The following KCTD16 variants were observed in gnomAD, a reference collection of about 807,000 sequenced individuals.
The protein encoded by KCTD16 is potassium channel tetramerization domain containing 16.
In KCTD16, 13 loss-of-function variants were observed where a neutral mutation model predicts 33.2. That is an observed-to-expected ratio of 0.39 (90% confidence interval 0.25 to 0.62). KCTD16 has a LOEUF of 0.62. KCTD16 is among the 20% of genes least tolerant of loss of function. The probability of loss-of-function intolerance (pLI) is 0.50; values close to 1 mark genes in which losing one functional copy is unlikely to be tolerated. For missense variants in KCTD16, 441 were observed against 525.1 expected, an observed-to-expected ratio of 0.84 and a Z score of 1.57; for synonymous variants, 197 against 195.3, an observed-to-expected ratio of 1.01 and a Z score of -0.07.
chr5:144,252,640 A>T (rs1754732849), intron 3 of KCTD16, among the ~76,000 whole-genome samples: 1 of 151,586 alleles, frequency 6.6e-6, no homozygotes, highest in Admixed American at 6.6e-5. Flanking sequence ...GTTCAACCAG[A>T]TCACTAAGAA....
intron 3 of KCTD16, among the ~76,000 whole-genome samples, chr5:144,451,149 TA>T (rs778717329): frequency 1.4e-4 from 21 of 152,106 alleles, no homozygotes; most frequent in Non-Finnish European, 2.8e-4. Context: ...TATTACCCTC[TA>T]TATATTTTTT....
intron 2 of KCTD16, among the ~76,000 whole-genome samples, chr5:144,184,927 C>T (rs1454279081): frequency 6.6e-6 from 1 of 152,128 alleles, no homozygotes; most frequent in African/African-American, 2.4e-5. Flanking sequence ...AGAGCCATTT[C>T]CCTTGTTCTT....
chr5:144,207,116 C>T lies in KCTD16; in HGVS notation c.402C>T (p.Phe134=). 1 of 1,610,624 alleles carries T rather than the reference C, an allele frequency of 6.2e-7. No homozygotes were observed. The highest frequency in any genetic ancestry group is 8.5e-7 in the Non-Finnish European group (1 of 1,178,378). ...PDEIKQSPDE[F]CHSDFEDASQ... ...AAATCAAGCAAAGCCCAGATGAATT[C>T]TGCCACAGTGACTTTGAAGATGCCT... The change falls in exon 3 of 4, where the codon TTC becomes TTT. Residue 134 remains phenylalanine, a synonymous_variant. Coordinates refer to ENST00000512467, the MANE Select transcript of KCTD16 (RefSeq NM_020768.4).
At chr5:144,210,672 CAA>C (rs1171993612) in intron 3 of KCTD16, among the ~76,000 whole-genome samples, 2 of 152,050 alleles carry the variant, frequency 1.3e-5, no homozygotes, top group African/African-American at 4.8e-5. Flanking sequence ...ACTAGATACT[CAA>C]TAACAATTCA....
chr5:144,397,760 A>G (rs1752607516), intron 3 of KCTD16, among the ~76,000 whole-genome samples: 1 of 152,204 alleles, frequency 6.6e-6, no homozygotes, highest in Admixed American at 6.5e-5. Flanking sequence ...ACGAAGCTGG[A>G]GGCATCACGC....
chr5:144,442,977 A>G (rs552366316), intron 3 of KCTD16, among the ~76,000 whole-genome samples: 21 of 152,198 alleles, frequency 1.4e-4, no homozygotes, highest in Admixed American at 7.2e-4. Context: ...TGTGGCCTCA[A>G]TATTTTCAGC....
chr5:144,266,428 C>T (rs766409673), intron 3 of KCTD16, among the ~76,000 whole-genome samples: 4 of 152,126 alleles, frequency 2.6e-5, no homozygotes, highest in Non-Finnish European at 4.4e-5. Flanking sequence ...ACCAAAACAA[C>T]GCTGCAGGAG....
chr5:144,237,597 T>A lies in KCTD16; in HGVS notation c.832+30051T>A, dbSNP rs377591736. Among the ~76,000 whole-genome samples the A allele has an allele frequency of 4.6e-5, 7 of 152,144 alleles. No homozygotes were observed. In the South Asian group the frequency reaches 6.2e-4, roughly 13 times the overall value. ...CATTTCCTTCTTTATTGACACAGAT[T>A]ATTTTCCCTAAATCTATTACATTTG... is the stretch of plus-strand genomic sequence containing the variant. On this transcript the variant is annotated intron_variant, in intron 3 of 3. Transcript: ENST00000512467.
At chr5:144,366,488 A>T (rs534041173) in intron 3 of KCTD16, among the ~76,000 whole-genome samples, 2 of 152,304 alleles carry the variant, frequency 1.3e-5, no homozygotes, top group South Asian at 4.1e-4. Flanking sequence ...TTTCTAAGAT[A>T]GTGAATTGGG....
At position 144,183,844 on chromosome 5, in the gene KCTD16, A is replaced by T. The variant is rs925527047; in HGVS notation, c.-327+9372A>T. Among the ~76,000 whole-genome samples the T allele has an allele frequency of 3.3e-4, 51 of 152,338 alleles. 1 individual carries two copies. The highest frequency in any genetic ancestry group is 1.2e-3 in the African/African-American group (51 of 41,584). ...GCTAGAACTTATATTTATAGGTTTCATGCTTTACATAATACTATGTAGTAT... is the reference window on the plus strand; with the variant it reads ...GCTAGAACTTATATTTATAGGTTTCTTGCTTTACATAATACTATGTAGTAT... On this transcript the variant is annotated intron_variant, in intron 2 of 3. Transcript: ENST00000512467.
At chr5:144,323,222 T>G (rs1752121761) in intron 3 of KCTD16, among the ~76,000 whole-genome samples, 1 of 152,170 alleles carries the variant, frequency 6.6e-6, no homozygotes, top group Admixed American at 6.6e-5. Flanking sequence ...TTTTACCAAC[T>G]GAGACAGTGG....
At chr5:144,249,970 A>G (rs1433115760) in intron 3 of KCTD16, among the ~76,000 whole-genome samples, 1 of 152,098 alleles carries the variant, frequency 6.6e-6, no homozygotes, top group Non-Finnish European at 1.5e-5. Flanking sequence ...AATTTTGCTG[A>G]CTCAAGTCTT....
chr5:144,275,231 A>T lies in KCTD16; in HGVS notation c.832+67685A>T, dbSNP rs1213064396. On this transcript the variant is annotated intron_variant, in intron 3 of 3. Transcript: ENST00000512467. ...TTGCATTCTCATCACTGTCAGAGGC[A>T]GTGATCAGGTCTGGACAACCACACA... Among the ~76,000 whole-genome samples the T allele has an allele frequency of 2.6e-5, 4 of 152,194 alleles. No homozygotes were observed. The East Asian group carries it at 7.7e-4, about 29-fold the overall frequency.
chr5:144,245,855 T>C (rs575212095), intron 3 of KCTD16, among the ~76,000 whole-genome samples: 11 of 152,336 alleles, frequency 7.2e-5, no homozygotes, highest in African/African-American at 2.6e-4. Context: ...AAGCAAATGC[T>C]GCCATGCTTC....
At chr5:144,195,632 G>A (rs757166550) in intron 2 of KCTD16, among the ~76,000 whole-genome samples, 1 of 152,206 alleles carries the variant, frequency 6.6e-6, no homozygotes, top group Non-Finnish European at 1.5e-5. Context: ...CTGTACGGTA[G>A]AGTGCTGCAA....
chr5:144,269,581 G>A (rs1247486094), intron 3 of KCTD16, among the ~76,000 whole-genome samples: 1 of 152,072 alleles, frequency 6.6e-6, no homozygotes, highest in African/African-American at 2.4e-5. Flanking sequence ...GACCCGCCCT[G>A]CAAGAAATGT....
intron 3 of KCTD16, among the ~76,000 whole-genome samples, chr5:144,390,698 C>G (rs188399768): frequency 2.0e-5 from 3 of 151,972 alleles, no homozygotes; most frequent in African/African-American, 7.2e-5. Flanking sequence ...CCCGACGGGC[C>G]CCGGTGTGTG....
intron 3 of KCTD16, among the ~76,000 whole-genome samples, chr5:144,333,578 GTGTCTT>G (rs1438317506): frequency 1.3e-5 from 2 of 152,062 alleles, no homozygotes; most frequent in African/African-American, 4.8e-5. Flanking sequence ...CTCTGTGTGT[GTGTCTT>G]TCTGTGTATT....
intron 3 of KCTD16, among the ~76,000 whole-genome samples, chr5:144,379,638 G>T (rs934379195): frequency 6.6e-6 from 1 of 152,036 alleles, no homozygotes; most frequent in East Asian, 1.9e-4. Flanking sequence ...TTCTTTGTAT[G>T]GGTATGACAG....
Sources: gnomAD v4.1 joint callset for allele counts (sites outside exome capture counted in the v4.1 genomes callset) on GRCh38, gnomAD v4.1.1 for gene constraint, MANE v1.5 for transcripts, NCBI Gene and HGNC (gene_info 2026-07-23, HGNC 2026-07-21) for gene names.